Variants in PTPRO observed in about 807,000 individuals in gnomAD.
PTPRO encodes protein tyrosine phosphatase receptor type O.
A neutral mutation model predicts 145.2 loss-of-function variants in PTPRO; 62 were observed. The ratio of observed to expected loss-of-function variants is 0.43; its 90% CI spans 0.35 to 0.53. PTPRO has a LOEUF of 0.53. Ranked by LOEUF, PTPRO falls within the 20% of genes least tolerant of loss-of-function variation. PTPRO has a pLI of 0.01. For synonymous variants in PTPRO, 565 were observed against 514.7 expected, an observed-to-expected ratio of 1.10 and a Z score of -1.32; for missense variants, 1,345 against 1,482.7, an observed-to-expected ratio of 0.91 and a Z score of 1.53.
At chr12:15,404,336 A>G (rs1414416293) in intron 1 of PTPRO, among the ~76,000 whole-genome samples, 1 of 152,162 alleles carries the variant, frequency 6.6e-6, no homozygotes, top group African/African-American at 2.4e-5. Flanking sequence ...GGAAAATGGC[A>G]TGTTATTATT....
chr12:15,446,524 T>G (rs1160918131), intron 1 of PTPRO, among the ~76,000 whole-genome samples: 1 of 151,768 alleles, frequency 6.6e-6, no homozygotes, highest in Admixed American at 6.6e-5. Context: ...AAATATTTTA[T>G]TCTAATATTT....
intron 6 of PTPRO, among the ~76,000 whole-genome samples, chr12:15,506,681 C>T (rs1182799947): frequency 6.6e-6 from 1 of 152,140 alleles, no homozygotes; most frequent in African/African-American, 2.4e-5. Context: ...GGGAAACCAC[C>T]TCCATGATCC....
intron 1 of PTPRO, among the ~76,000 whole-genome samples, chr12:15,474,097 C>T (rs1331411212): frequency 6.6e-6 from 1 of 152,188 alleles, no homozygotes; most frequent in East Asian, 1.9e-4. Flanking sequence ...GAGATAATAA[C>T]TCTTGTTTCT....
intron 2 of PTPRO, among the ~76,000 whole-genome samples, chr12:15,487,372 C>T (rs1188826544): frequency 6.6e-6 from 1 of 152,106 alleles, no homozygotes; most frequent in Admixed American, 6.5e-5. Context: ...GTTTCTGCTC[C>T]TCTCCCAGGA....
intron 1 of PTPRO, among the ~76,000 whole-genome samples, chr12:15,437,351 C>G (rs1430920881): frequency 6.6e-6 from 1 of 151,972 alleles, no homozygotes; most frequent in African/African-American, 2.4e-5. Context: ...GCGGGGCTCT[C>G]TCTGCTCCAC....
intron 1 of PTPRO, among the ~76,000 whole-genome samples, chr12:15,461,300 C>G (rs879201508): frequency 1.3e-5 from 2 of 152,146 alleles, no homozygotes; most frequent in African/African-American, 4.8e-5. Flanking sequence ...AGTTGCCCTG[C>G]CATTTTGGAC....
intron 24 of PTPRO, among the ~76,000 whole-genome samples, chr12:15,587,954 T>C (rs559924120): frequency 6.6e-6 from 1 of 152,332 alleles, no homozygotes; most frequent in South Asian, 2.1e-4. Context: ...TCATGTGTGT[T>C]TGTGTGGAGT....
chr12:15,439,793 T>A, intron 1 of PTPRO: 1 of 609,464 alleles, frequency 1.6e-6, no homozygotes, highest in Admixed American at 2.1e-5. Flanking sequence ...CATCAAAGAA[T>A]CAGATATCAT....
At position 15,489,602 on chromosome 12, in the gene PTPRO, G is replaced by C. The variant is rs77819641; in HGVS notation, c.349+5355G>C. 7.0e-3 allele frequency among the ~76,000 whole-genome samples: 1,068 copies of C among 152,264 alleles called. 14 individuals are homozygous for C. Among genetic ancestry groups the C allele is most frequent in the African/African-American group, 0.024 (1,015 of 41,542 alleles). ...TAATGTATTATAATTAGTGTATAGT[G>C]AGCCAGTGAGGACAACCAGAGGTCA... On this transcript the variant is annotated intron_variant, in intron 2 of 26. Coordinates refer to ENST00000281171, the MANE Select transcript of PTPRO (RefSeq NM_030667.3).
At chr12:15,354,054 A>G (rs1015822841) in intron 1 of PTPRO, among the ~76,000 whole-genome samples, 3 of 152,054 alleles carry the variant, frequency 2.0e-5, no homozygotes, top group Non-Finnish European at 4.4e-5. Context: ...TAAGATGTCT[A>G]TGGTGTTGGC....
At chr12:15,383,338 A>G (rs1213919426) in intron 1 of PTPRO, among the ~76,000 whole-genome samples, 9 of 152,142 alleles carry the variant, frequency 5.9e-5, no homozygotes, top group Admixed American at 4.6e-4. Flanking sequence ...CATTGCATAT[A>G]TATACCATGT....
chr12:15,570,093 C>T (rs1254020187), intron 19 of PTPRO, among the ~76,000 whole-genome samples: 1 of 152,162 alleles, frequency 6.6e-6, no homozygotes, highest in African/African-American at 2.4e-5. Flanking sequence ...CCGAAGGACA[C>T]ATATTTCTTT....
At chr12:15,395,524 A>T (rs537815341) in intron 1 of PTPRO, among the ~76,000 whole-genome samples, 1 of 152,204 alleles carries the variant, frequency 6.6e-6, no homozygotes, top group South Asian at 2.1e-4. Context: ...ATAAAAAAAA[A>T]ATCTTCCTAT....
At chr12:15,401,007 T>C (rs1939477760) in intron 1 of PTPRO, among the ~76,000 whole-genome samples, 1 of 152,208 alleles carries the variant, frequency 6.6e-6, no homozygotes, top group Non-Finnish European at 1.5e-5. Flanking sequence ...GTGTTTTCGC[T>C]TTTTTGTTTT....
intron 7 of PTPRO, among the ~76,000 whole-genome samples, chr12:15,511,692 A>C (rs971366850): frequency 1.3e-5 from 2 of 152,052 alleles, no homozygotes; most frequent in African/African-American, 4.8e-5. Flanking sequence ...CAGCCTCCCA[A>C]TTAGCTGGGA....
At chr12:15,576,000 A>G (rs970815709) in intron 19 of PTPRO, among the ~76,000 whole-genome samples, 22 of 152,210 alleles carry the variant, frequency 1.4e-4, no homozygotes, top group African/African-American at 4.6e-4. Flanking sequence ...GTTAGGAGGT[A>G]GACGTATCTT....
chr12:15,581,332 G>T (rs566218240), intron 22 of PTPRO, among the ~76,000 whole-genome samples: 4 of 124,452 alleles, frequency 3.2e-5, no homozygotes, highest in Admixed American at 2.2e-4. Context: ...ACGGAGTCTC[G>T]TTCTGTTGCC....
intron 4 of PTPRO, among the ~76,000 whole-genome samples, chr12:15,500,547 A>G (rs1565667100): frequency 6.6e-6 from 1 of 152,222 alleles, no homozygotes; most frequent in Non-Finnish European, 1.5e-5. Flanking sequence ...TGGCACTAAC[A>G]CAAGGCAGAA....
chr12:15,404,012 C>T (rs139292124), intron 1 of PTPRO, among the ~76,000 whole-genome samples: 3,111 of 151,606 alleles, frequency 0.021, 59 homozygotes, highest in South Asian at 0.035. Flanking sequence ...CTGGCTAACA[C>T]GGTGAAACCC....
Sources: allele counts gnomAD v4.1 joint callset (sites outside exome capture counted in the v4.1 genomes callset), GRCh38; gene constraint gnomAD v4.1.1; transcripts MANE v1.5; gene names NCBI Gene and HGNC (gene_info 2026-07-23, HGNC 2026-07-21).